The following EYS variants were observed in gnomAD, a reference collection of about 807,000 sequenced individuals.
The protein encoded by EYS is protein eyes shut homolog.
A neutral mutation model predicts 282.1 loss-of-function variants in EYS; 250 were observed. The observed-to-expected ratio is 0.89, with a 90% CI of 0.80 to 0.98. The LOEUF (loss-of-function observed/expected upper bound fraction) is 0.98, where lower values mean the gene tolerates loss of function less well. Ranked by LOEUF, EYS falls within the 50% of genes least tolerant of loss-of-function variation. The pLI is 0.00. For missense variants in EYS, 4,016 were observed against 3,709.0 expected (o/e 1.08, Z -2.15); for synonymous variants, 1,355 against 1,282.9 (o/e 1.06, Z -1.20).
At chr6:64,809,406 A>C (rs2150013372) in intron 22 of EYS, among the ~76,000 whole-genome samples, 1 of 152,240 alleles carries the variant, frequency 6.6e-6, no homozygotes, top group East Asian at 1.9e-4. Flanking sequence ...GAAAAGTAAA[A>C]GAGATTAAAA....
chr6:65,491,430 G>T (rs1179622562), intron 4 of EYS: 1 of 312,100 alleles, frequency 3.2e-6, no homozygotes, highest in Non-Finnish European at 6.3e-6. Context: ...CCAACTGCAT[G>T]TAATTTGGCA....
intron 14 of EYS, among the ~76,000 whole-genome samples, chr6:64,993,495 A>G (rs972258129): frequency 4.1e-5 from 6 of 145,538 alleles, no homozygotes; most frequent in African/African-American, 5.1e-5. Context: ...TCAAACCTGC[A>G]TGTTCTCACT....
intron 2 of EYS, among the ~76,000 whole-genome samples, chr6:65,555,770 C>T (rs1387231880): frequency 6.6e-6 from 1 of 152,128 alleles, no homozygotes; most frequent in East Asian, 1.9e-4. Flanking sequence ...AATGAATAGT[C>T]ACTATTAGAC....
chr6:65,411,562 A>G (rs1252059822), intron 5 of EYS, among the ~76,000 whole-genome samples: 1 of 150,624 alleles, frequency 6.6e-6, no homozygotes, highest in African/African-American at 2.4e-5. Context: ...TCACCACTAT[A>G]AAAATGTGAA....
intron 14 of EYS, among the ~76,000 whole-genome samples, chr6:64,947,707 A>G (rs1769337505): frequency 6.7e-6 from 1 of 148,768 alleles, no homozygotes; most frequent in Admixed American, 6.7e-5. Flanking sequence ...AATTGAATAT[A>G]ATGATTATAT....
intron 2 of EYS, among the ~76,000 whole-genome samples, chr6:65,544,042 GACAAAGAC>G (rs1216962582): frequency 6.7e-6 from 1 of 148,980 alleles, no homozygotes; most frequent in Non-Finnish European, 1.5e-5. Flanking sequence ...GAGAGAGAGA[GACAAAGAC>G]AGAGAGAGAG....
chr6:64,079,743 C>T (rs1480861483), intron 32 of EYS, among the ~76,000 whole-genome samples: 1 of 152,078 alleles, frequency 6.6e-6, no homozygotes, highest in Non-Finnish European at 1.5e-5. Context: ...CCACAACAGG[C>T]CCCTGTGTGT....
chr6:63,738,785 T>C (rs1371153735), intron 41 of EYS, among the ~76,000 whole-genome samples: 1 of 152,126 alleles, frequency 6.6e-6, no homozygotes, highest in African/African-American at 2.4e-5. Context: ...AAAAAAATTC[T>C]CCATTTTCCC....
chr6:65,119,612 A>T (rs1440931733), intron 12 of EYS, among the ~76,000 whole-genome samples: 1 of 146,218 alleles, frequency 6.8e-6, no homozygotes, highest in Admixed American at 6.9e-5. Context: ...CATTTTTAAA[A>T]TTTCTTAGCC....
intron 34 of EYS, among the ~76,000 whole-genome samples, chr6:63,996,768 CAATT>C (rs944811543): frequency 1.3e-4 from 20 of 152,080 alleles, no homozygotes; most frequent in Admixed American, 7.2e-4. Context: ...TTTTTGGTAA[CAATT>C]AAATAATTTA....
intron 15 of EYS, among the ~76,000 whole-genome samples, chr6:64,918,762 T>C (rs1768242133): frequency 6.6e-6 from 1 of 152,152 alleles, no homozygotes; most frequent in Non-Finnish European, 1.5e-5. Context: ...AGGAGACAGA[T>C]GACAACGATG....
intron 33 of EYS, among the ~76,000 whole-genome samples, chr6:64,058,742 T>C (rs1771067574): frequency 1.3e-5 from 2 of 152,216 alleles, no homozygotes; most frequent in African/African-American, 4.8e-5. Flanking sequence ...TTCTTATAAC[T>C]GTCAAAATCT....
chr6:65,491,325 C>T (rs1340905535), intron 4 of EYS: 5 of 271,650 alleles, frequency 1.8e-5, no homozygotes, highest in Non-Finnish European at 2.9e-5. Flanking sequence ...ATAACATACT[C>T]ATTCTATGCA....
intron 34 of EYS, among the ~76,000 whole-genome samples, chr6:63,987,713 G>C (rs1406497257): frequency 2.0e-5 from 3 of 151,402 alleles, no homozygotes; most frequent in African/African-American, 7.3e-5. Context: ...ATTTAAATTG[G>C]TATTACAGAT....
At chr6:64,536,305 G>A (rs1261843033) in intron 26 of EYS, among the ~76,000 whole-genome samples, 1 of 151,946 alleles carries the variant, frequency 6.6e-6, no homozygotes, top group Non-Finnish European at 1.5e-5. Context: ...GGAACAAAAG[G>A]GGAAAATAAA....
chr6:64,476,452 T>C (rs753138809), intron 26 of EYS, among the ~76,000 whole-genome samples: 14 of 152,040 alleles, frequency 9.2e-5, no homozygotes, highest in Admixed American at 6.5e-4. Flanking sequence ...GATAAAATAG[T>C]ACAAACTCTC....
In EYS at chr6:65,316,466, T is replaced by A. The variant is rs10944787; in HGVS notation, c.1766+18514A>T. On this transcript the variant is annotated intron_variant, in intron 11 of 42. Transcript: ENST00000503581. ...TGGGTGGTAAGGGTCATTTCTTTTT[T>A]AATCGTCAACTTTTTAAAAAAATTA... Among the ~76,000 whole-genome samples, 9 of 148,422 alleles carry A rather than the reference T, an allele frequency of 6.1e-5. 1 individual carries two copies. Among genetic ancestry groups the A allele is most frequent in the Non-Finnish European group, 3.0e-5 (2 of 67,454 alleles).
chr6:64,445,893 T>C (rs910352964), intron 26 of EYS, among the ~76,000 whole-genome samples: 6 of 152,034 alleles, frequency 3.9e-5, no homozygotes, highest in Non-Finnish European at 4.4e-5. Context: ...GGGTTCATAA[T>C]GGGCAAAACT....
intron 30 of EYS, among the ~76,000 whole-genome samples, chr6:64,241,657 T>TTG (rs367952253): frequency 0.072 from 10,758 of 149,214 alleles, 398 homozygotes; most frequent in Non-Finnish European, 0.094. Flanking sequence ...TTGAAGGTTT[T>TTG]TGTGTGTGTG....
Sources: gnomAD v4.1 joint callset for allele counts (sites outside exome capture counted in the v4.1 genomes callset) on GRCh38, gnomAD v4.1.1 for gene constraint, MANE v1.5 for transcripts, NCBI Gene and HGNC (gene_info 2026-07-23, HGNC 2026-07-21) for gene names.